Variants in PTPRU observed in about 807,000 individuals in gnomAD.
The protein encoded by PTPRU is receptor-type tyrosine-protein phosphatase U.
In PTPRU, 69 loss-of-function variants were observed where a neutral mutation model predicts 166.3. The ratio of observed to expected loss-of-function variants is 0.41; its 90% CI spans 0.34 to 0.51. PTPRU has a LOEUF of 0.51. Among genes scored for constraint, PTPRU ranks in the 20% least tolerant of loss-of-function variants. The pLI, the probability that PTPRU is intolerant of heterozygous loss-of-function variation, is 0.09. For missense variants in PTPRU, 1,657 were observed against 2,013.7 expected, an observed-to-expected ratio of 0.82 and a Z score of 3.39; for synonymous variants, 793 against 814.0, an observed-to-expected ratio of 0.97 and a Z score of 0.44.
At chr1:29,296,101 GTT>G (rs1169627526) in intron 15 of PTPRU, among the ~76,000 whole-genome samples, 2 of 152,162 alleles carry the variant, frequency 1.3e-5, no homozygotes, top group Non-Finnish European at 2.9e-5. Context: ...AGAAATAGTT[GTT>G]TTTTCTTTCC....
rs779583806 is a variant in PTPRU at position 29,310,830 on chromosome 1, G to A, written c.2857+50G>A. On this transcript the variant is annotated intron_variant, in intron 19 of 29. Coordinates refer to ENST00000373779, the MANE Select transcript of PTPRU (RefSeq NM_133178.4). Reference sequence around the variant, plus strand: ...CGCCTTCCCATGTGCCTCCCAGCGTGCTGGAATGCCCTCAGCTTGCCTTTC... The same window carrying A: ...CGCCTTCCCATGTGCCTCCCAGCGTACTGGAATGCCCTCAGCTTGCCTTTC... The A allele has an allele frequency of 2.5e-6, 4 of 1,583,080 alleles. No individual in the cohort carries two copies. The Admixed American group carries it at 6.7e-5, about 26-fold the overall frequency.
rs1214312809 is a variant in PTPRU, at chr1:29,260,958, G to C, written c.1144+55G>C. ...TCTCTGGTGGGCCCAGGGCTATGGA[G>C]GGGCGCATTCGAGAGGTAGCGTGGC... On this transcript the variant is annotated intron_variant, in intron 7 of 29. Transcript: ENST00000373779. This position sits in a 1 kb window ranked among gnomAD's most constrained non-coding sequence, Gnocchi z 8.3. 6.8e-7 allele frequency: 1 copy of C among 1,460,342 alleles called. No homozygotes were observed. The allele number at this position is 1,460,342 out of a possible 1,614,324, so 90.5% of individuals were successfully genotyped here.
In PTPRU at chr1:29,320,462, T is replaced by C. The variant is rs1412090995; in HGVS notation, c.3688-223T>C. 2.4e-6 allele frequency: 1 copy of C among 421,300 alleles called. No homozygotes were observed. Among genetic ancestry groups the C allele is most frequent in the East Asian group, 3.5e-5 (1 of 28,264 alleles). The allele number at this position is 421,300 out of a possible 1,614,324, so 26.1% of individuals were successfully genotyped here. A position where few individuals can be genotyped will look rare whatever the true frequency, so the allele number is the denominator to read the frequency against. On this transcript the variant is annotated intron_variant, in intron 25 of 29. Transcript: ENST00000373779. This position sits in a 1 kb window ranked among gnomAD's most constrained non-coding sequence, Gnocchi z 5.2. ...TTTGGAAACTTTTGCTGTTTAGTTC[T>C]GGGGGGTCATGGGCTTGGTCCCCAG...
chr1:29,317,654 G>T lies in PTPRU; in HGVS notation c.3514-94G>T, dbSNP rs1687958430. 4 of 1,345,694 alleles carry T rather than the reference G, an allele frequency of 3.0e-6. No homozygotes were observed. The South Asian group carries it at 4.1e-5, about 14-fold the overall frequency. 83.4% of individuals were successfully genotyped at this position (1,345,694 alleles called of 1,614,324 possible). A position where few individuals can be genotyped will look rare whatever the true frequency, so the allele number is the denominator to read the frequency against. ...CTCAGTTTCTCCATCCATAAAATGG[G>T]ATTAGTAACTCAGTCCAGCCTCCTT... is the stretch of plus-strand genomic sequence containing the variant. On this transcript the variant is annotated intron_variant, in intron 24 of 29. Coordinates refer to ENST00000373779, the MANE Select transcript of PTPRU (RefSeq NM_133178.4). The surrounding 1 kb of genome is among the most constrained non-coding windows in gnomAD (Gnocchi z 5.6).
chr1:29,275,846 T>C (rs1309205096), intron 8 of PTPRU, 90 bp downstream of exon 8: 3 of 1,428,218 alleles, frequency 2.1e-6, no homozygotes, highest in Non-Finnish European at 2.8e-6. Flanking sequence ...GGTATTTTTT[T>C]CTTTTTTTTG....
chr1:29,296,073 G>C (rs574125058), intron 15 of PTPRU, among the ~76,000 whole-genome samples: 11 of 152,324 alleles, frequency 7.2e-5, no homozygotes, highest in African/African-American at 2.6e-4. Flanking sequence ...TAAAGGATCT[G>C]TGAATATCCT....
At chr1:29,299,780 C>T (rs1002569662) in intron 15 of PTPRU, among the ~76,000 whole-genome samples, 2 of 152,222 alleles carry the variant, frequency 1.3e-5, no homozygotes, top group African/African-American at 4.8e-5. Flanking sequence ...TTCTCCATCT[C>T]GCCAGTTTCT....
rs78053720 is a variant in PTPRU, at chr1:29,285,779, C to T, written c.2318+910C>T. 6.9e-3 allele frequency among the ~76,000 whole-genome samples: 1,049 copies of T among 152,326 alleles called. 16 individuals are homozygous for T. Among genetic ancestry groups the T allele is most frequent in the African/African-American group, 0.023 (977 of 41,576 alleles). ...ATGAAGGCTGAGCAGCAGTGCTGGT[C>T]GGAAGCTGAGTGGGGGCTTCTGGGA... On this transcript the variant is annotated intron_variant, in intron 14 of 29. Coordinates refer to ENST00000373779, the MANE Select transcript of PTPRU (RefSeq NM_133178.4).
At chr1:29,294,458 T>C (rs985604555) in intron 15 of PTPRU, among the ~76,000 whole-genome samples, 1 of 152,248 alleles carries the variant, frequency 6.6e-6, no homozygotes, top group African/African-American at 2.4e-5. Flanking sequence ...GTTCTTTATA[T>C]ATTTAGGATA....
intron 14 of PTPRU, among the ~76,000 whole-genome samples, chr1:29,290,971 T>C (rs1314069411): frequency 1.3e-5 from 2 of 152,180 alleles, no homozygotes; most frequent in Non-Finnish European, 2.9e-5. Flanking sequence ...TAGGCCAGCA[T>C]CTGCTCAGTG....
At chr1:29,312,044 G>A (rs572201292) in intron 21 of PTPRU, among the ~76,000 whole-genome samples, 108 of 152,330 alleles carry the variant, frequency 7.1e-4, no homozygotes, top group African/African-American at 2.5e-3. Context: ...TATTGTTTCA[G>A]TCCTGGAAAG....
At chr1:29,243,624 A>G (rs1684154000) in intron 1 of PTPRU, among the ~76,000 whole-genome samples, 1 of 152,178 alleles carries the variant, frequency 6.6e-6, no homozygotes, top group African/African-American at 2.4e-5. Flanking sequence ...CTCCCGGTGC[A>G]GTTGGTGAAA....
At position 29,291,904 on chromosome 1, in the gene PTPRU, A is replaced by G; in HGVS notation, c.2354A>G (p.Tyr785Cys). 6.2e-7 allele frequency: 1 copy of G among 1,614,110 alleles called. No individual in the cohort carries two copies. The highest frequency in any genetic ancestry group is 1.3e-5 in the African/African-American group (1 of 75,054). The change falls in exon 15 of 30, where the codon TAC becomes TGC. Residue 785 changes from tyrosine to cysteine, a missense_variant. Tyr to Cys is a radical substitution (Grantham distance 194). Transcript: ENST00000373779. This position sits in a 1 kb window ranked among gnomAD's most constrained non-coding sequence, Gnocchi z 4.1. Reference sequence around the variant, plus strand: ...AACATGACCAAGGCCACCGTCAACTACCGCCAGGAGAAGACACACATGATG... The same window carrying G: ...AACATGACCAAGGCCACCGTCAACTGCCGCCAGGAGAAGACACACATGATG... Reference protein sequence around the residue: ...PVNMTKATVNYRQEKTHMMSA... With the variant: ...PVNMTKATVNCRQEKTHMMSA...
At chr1:29,324,389 G>T (rs1204087668) in intron 28 of PTPRU, among the ~76,000 whole-genome samples, 1 of 152,182 alleles carries the variant, frequency 6.6e-6, no homozygotes, top group Admixed American at 6.5e-5. Flanking sequence ...CCTGAGAAGG[G>T]GAGTGAGGGC....
chr1:29,278,948 T>A, intron 8 of PTPRU, 64 bp from the exon 9 acceptor site: 1 of 1,348,588 alleles, frequency 7.4e-7, no homozygotes, highest in Non-Finnish European at 1.0e-6. Context: ...AGGCTGGAAT[T>A]TAAACCCAGG....
chr1:29,301,733 C>G (rs192505872), intron 15 of PTPRU, among the ~76,000 whole-genome samples: 1 of 152,162 alleles, frequency 6.6e-6, no homozygotes, highest in Non-Finnish European at 1.5e-5. Flanking sequence ...TCCTTCCCCC[C>G]TCCCCTCATC....
At chr1:29,248,389 G>A (rs763721773) in intron 1 of PTPRU, among the ~76,000 whole-genome samples, 3 of 152,058 alleles carry the variant, frequency 2.0e-5, no homozygotes, top group African/African-American at 4.8e-5. Context: ...GAGAATAGGG[G>A]TACAACCTTG....
chr1:29,304,198 C>T (rs1687277019), intron 16 of PTPRU, among the ~76,000 whole-genome samples, 153 bp downstream of exon 16: 1 of 152,192 alleles, frequency 6.6e-6, no homozygotes, highest in Non-Finnish European at 1.5e-5. Context: ...TCGACTCTGA[C>T]CCTCATCCTA....
chr1:29,259,811 G>T (rs904774759), intron 5 of PTPRU, 59 bp from the exon 6 acceptor site: 1 of 1,470,036 alleles, frequency 6.8e-7, no homozygotes, highest in African/African-American at 1.4e-5. Context: ...CCGGGTCAGA[G>T]CGAGATCGGG....
Sources: allele counts gnomAD v4.1 joint callset (sites outside exome capture counted in the v4.1 genomes callset), GRCh38; gene constraint gnomAD v4.1.1; non-coding constraint Gnocchi (gnomAD v3.1); transcripts MANE v1.5; gene names NCBI Gene and HGNC (gene_info 2026-07-23, HGNC 2026-07-21).